Variants in MEMO1 observed in about 807,000 individuals in gnomAD.
MEMO1 encodes mediator of cell motility 1.
MEMO1 carries 6 observed loss-of-function variants against 45.2 expected under a neutral mutation model. That is an observed-to-expected ratio of 0.13 (90% confidence interval 0.07 to 0.26). MEMO1 has a LOEUF of 0.26. MEMO1 is among the 10% of genes least tolerant of loss of function. MEMO1 has a pLI of 1.00. For missense variants in MEMO1, 184 were observed against 370.5 expected, an observed-to-expected ratio of 0.50 and a Z score of 4.13; for synonymous variants, 78 against 124.3, an observed-to-expected ratio of 0.63 and a Z score of 2.48.
chr2:31,963,613 G>A (rs1333246764), intron 2 of MEMO1, among the ~76,000 whole-genome samples: 3 of 152,162 alleles, frequency 2.0e-5, no homozygotes, highest in Admixed American at 6.6e-5. Context: ...TATTCCTTTA[G>A]ATAAGTATTA....
intron 7 of MEMO1, 55 bp from the exon 8 acceptor site, chr2:31,883,517 G>C: frequency 7.8e-7 from 1 of 1,278,622 alleles, no homozygotes; most frequent in Non-Finnish European, 1.1e-6. Flanking sequence ...AAGCTAAAAA[G>C]AAAGCAAGCG....
intron 2 of MEMO1, among the ~76,000 whole-genome samples, chr2:31,951,930 C>T (rs1407219076): frequency 2.0e-5 from 3 of 152,158 alleles, no homozygotes; most frequent in African/African-American, 4.8e-5. Context: ...GAATTTATTG[C>T]TATGCTTTTT....
intron 2 of MEMO1, among the ~76,000 whole-genome samples, chr2:32,009,280 C>A (rs1674497065): frequency 1.3e-5 from 2 of 152,098 alleles, no homozygotes; most frequent in African/African-American, 2.4e-5. Flanking sequence ...GGGGCGACTG[C>A]TCGGGAAAAG....
intron 2 of MEMO1, among the ~76,000 whole-genome samples, chr2:31,987,245 C>T (rs1188715537): frequency 6.6e-6 from 1 of 152,162 alleles, no homozygotes; most frequent in Non-Finnish European, 1.5e-5. Context: ...TCAATCCTCC[C>T]ACCTCAGCCC....
At chr2:31,942,039 C>T (rs1275089359) in intron 3 of MEMO1, among the ~76,000 whole-genome samples, 1 of 152,130 alleles carries the variant, frequency 6.6e-6, no homozygotes, top group Non-Finnish European at 1.5e-5. Context: ...ACAGAGTAAA[C>T]CTTCACTCTT....
chr2:31,980,966 G>A (rs761182618), intron 2 of MEMO1, among the ~76,000 whole-genome samples: 7 of 152,186 alleles, frequency 4.6e-5, no homozygotes, highest in Non-Finnish European at 1.0e-4. Flanking sequence ...CAAATTAAAC[G>A]TGGTGACTAG....
chr2:31,982,787 C>T (rs1287332679), intron 2 of MEMO1, among the ~76,000 whole-genome samples: 2 of 152,052 alleles, frequency 1.3e-5, no homozygotes, highest in African/African-American at 4.8e-5. Flanking sequence ...TGTATACTGG[C>T]ATTGAACAAA....
Position 31,943,288 on chromosome 2 carries a change from C to T in MEMO1, c.143+14G>A. The T allele has an allele frequency of 6.2e-7, 1 of 1,604,970 alleles. No individual in the cohort carries two copies. The highest frequency in any genetic ancestry group is 8.5e-7 in the Non-Finnish European group (1 of 1,172,272). On this transcript the variant is annotated intron_variant, in intron 3 of 9. Coordinates refer to ENST00000404530, the MANE Select transcript of MEMO1 (RefSeq NM_001301833.4). The stretch of plus-strand genomic sequence containing the variant: ...TCAAAAAACAAAACAAAAACAAAAA[C>T]AAAAAAGACTTACGGGGCAATAATG...
chr2:31,959,860 T>C (rs1667810006), intron 2 of MEMO1, among the ~76,000 whole-genome samples: 1 of 152,194 alleles, frequency 6.6e-6, no homozygotes, highest in South Asian at 2.1e-4. Context: ...TCTGACAACA[T>C]GCTTCTGCAA....
chr2:31,978,645 C>T (rs185117866), intron 2 of MEMO1, among the ~76,000 whole-genome samples: 9 of 152,246 alleles, frequency 5.9e-5, no homozygotes, highest in Admixed American at 5.9e-4. Context: ...GTTGCCCATA[C>T]CCGGCCTCAA....
intron 2 of MEMO1, among the ~76,000 whole-genome samples, chr2:31,985,943 A>G (rs1671204650): frequency 1.3e-5 from 2 of 152,174 alleles, no homozygotes; most frequent in African/African-American, 2.4e-5. Flanking sequence ...AGCCTGATCA[A>G]CATGGCAAGA....
At chr2:31,922,088 CTA>C (rs1311348779) in intron 4 of MEMO1, among the ~76,000 whole-genome samples, 3 of 152,176 alleles carry the variant, frequency 2.0e-5, no homozygotes, top group Non-Finnish European at 4.4e-5. Context: ...AAAGCCAAAA[CTA>C]TGAGAAGAAA....
chr2:31,980,984 A>C (rs556536397), intron 2 of MEMO1, among the ~76,000 whole-genome samples: 16 of 152,344 alleles, frequency 1.1e-4, no homozygotes, highest in Non-Finnish European at 1.5e-4. Flanking sequence ...TAGATAAACT[A>C]ATCAGTGTCC....
intron 3 of MEMO1, among the ~76,000 whole-genome samples, chr2:31,938,288 A>G (rs1013635442): frequency 1.3e-5 from 2 of 152,032 alleles, no homozygotes; most frequent in African/African-American, 4.8e-5. Context: ...AGTTACAACT[A>G]TATCCAGGTT....
intron 3 of MEMO1, among the ~76,000 whole-genome samples, chr2:31,933,492 A>T (rs1238937602): frequency 3.3e-5 from 5 of 150,876 alleles, no homozygotes; most frequent in Non-Finnish European, 7.4e-5. Flanking sequence ...CTTGATTGTG[A>T]TAGTTTTATC....
At chr2:31,952,883 C>T (rs914801523) in intron 2 of MEMO1, among the ~76,000 whole-genome samples, 27 of 152,232 alleles carry the variant, frequency 1.8e-4, no homozygotes, top group African/African-American at 6.3e-4. Context: ...ATTTACATAA[C>T]ATTCTAATAT....
intron 2 of MEMO1, among the ~76,000 whole-genome samples, chr2:32,007,799 A>C (rs1202122438): frequency 6.6e-6 from 1 of 152,236 alleles, no homozygotes; most frequent in South Asian, 2.1e-4. Context: ...GACAAATATT[A>C]AAGACAGGTG....
intron 8 of MEMO1, among the ~76,000 whole-genome samples, chr2:31,876,091 TTATA>T (rs1376571662): frequency 1.3e-5 from 2 of 152,232 alleles, no homozygotes; most frequent in African/African-American, 4.8e-5. Flanking sequence ...CCTATTGTAC[TTATA>T]TAAAGTTCTT....
At chr2:32,005,533 GTATGTCA>G (rs1673959331) in intron 2 of MEMO1, among the ~76,000 whole-genome samples, 1 of 151,810 alleles carries the variant, frequency 6.6e-6, no homozygotes, top group Non-Finnish European at 1.5e-5. Flanking sequence ...CTTGTTTAAA[GTATGTCA>G]TACTTTAAAA....
Sources: allele counts gnomAD v4.1 joint callset (sites outside exome capture counted in the v4.1 genomes callset), GRCh38; gene constraint gnomAD v4.1.1; transcripts MANE v1.5; gene names NCBI Gene and HGNC (gene_info 2026-07-23, HGNC 2026-07-21).